BCAS3: variants seen among roughly 807,000 people sequenced by gnomAD.
The protein encoded by BCAS3 is BCAS4/BCAS3 fusion.
BCAS3 carries 53 observed loss-of-function variants against 116.1 expected under a neutral mutation model. The observed-to-expected ratio is 0.46, with a 90% CI of 0.37 to 0.57. The LOEUF (loss-of-function observed/expected upper bound fraction) is 0.57, where lower values mean the gene tolerates loss of function less well. Ranked by LOEUF, BCAS3 falls within the 20% of genes least tolerant of loss-of-function variation. The pLI, the probability that BCAS3 is intolerant of heterozygous loss-of-function variation, is 0.00. For missense variants in BCAS3, 917 were observed against 1,165.4 expected, an observed-to-expected ratio of 0.79 and a Z score of 3.10; for synonymous variants, 391 against 408.2, an observed-to-expected ratio of 0.96 and a Z score of 0.51.
chr17:61,014,009 A>T (rs754058562), intron 15 of BCAS3, among the ~76,000 whole-genome samples: 6 of 152,130 alleles, frequency 3.9e-5, no homozygotes, highest in Admixed American at 6.6e-5. Context: ...TAGAAATAAG[A>T]TATTAATTAG....
intron 6 of BCAS3, among the ~76,000 whole-genome samples, chr17:60,755,878 A>G (rs867656178): frequency 9.2e-5 from 14 of 152,316 alleles, no homozygotes; most frequent in Middle Eastern, 3.4e-3. Context: ...AGAATGTGTA[A>G]TGATCAGGTT....
Position 61,217,767 on chromosome 17 carries a change from A to T in BCAS3, c.2425+133203A>T, listed in dbSNP as rs117505615. The stretch of plus-strand genomic sequence containing the variant: ...TAACATCCCACACTGCTTTGCTTCT[A>T]CTCCTCTAAGCCTTTTTTCCCCTCC... On this transcript the variant is annotated intron_variant, in intron 22 of 23. Transcript: ENST00000407086. This position sits in a 1 kb window ranked among gnomAD's most constrained non-coding sequence, Gnocchi z 5.2. Among the ~76,000 whole-genome samples, 20 of 152,052 alleles carry T rather than the reference A, an allele frequency of 1.3e-4. No individual in the cohort carries two copies. The East Asian group carries it at 3.9e-3, about 29-fold the overall frequency.
rs998306569 is a variant in BCAS3 at position 61,344,124 on chromosome 17, C to A, written c.2426-24203C>A. Among the ~76,000 whole-genome samples, 1 of 152,040 alleles carries A rather than the reference C, an allele frequency of 6.6e-6. No homozygotes were observed. The highest frequency in any genetic ancestry group is 6.6e-5 in the Admixed American group (1 of 15,252). On this transcript the variant is annotated intron_variant, in intron 22 of 23. Coordinates refer to ENST00000407086, the MANE Select transcript of BCAS3 (RefSeq NM_017679.5). This position sits in a 1 kb window ranked among gnomAD's most constrained non-coding sequence, Gnocchi z 4.1. ...TAAGGATGCCGGCTAGCCCCCAATC[C>A]CAGAGAGCATGCAGCTGAGTCTAAG...
rs917332821 is a variant in BCAS3, at chr17:61,145,429, G to A, written c.2425+60865G>A. On this transcript the variant is annotated intron_variant, in intron 22 of 23. Coordinates refer to ENST00000407086, the MANE Select transcript of BCAS3 (RefSeq NM_017679.5). The surrounding 1 kb of genome is among the most constrained non-coding windows in gnomAD (Gnocchi z 5.0). The stretch of plus-strand genomic sequence containing the variant: ...TCCTGTTCTCTGCTGCAGGGGCTAC[G>A]GAGAGGGAGTGGGGGCTGGGGGAGG... Among the ~76,000 whole-genome samples the A allele has an allele frequency of 1.3e-5, 2 of 152,280 alleles. No homozygotes were observed. The highest frequency in any genetic ancestry group is 2.4e-5 in the African/African-American group (1 of 41,558).
rs1485012892 is a variant in BCAS3 at position 61,028,167 on chromosome 17, T to C, written c.1638-6499T>C. Among the ~76,000 whole-genome samples, 1 of 151,856 alleles carries C rather than the reference T, an allele frequency of 6.6e-6. No homozygotes were observed. Among genetic ancestry groups the C allele is most frequent in the Non-Finnish European group, 1.5e-5 (1 of 67,796 alleles). ...TTAAATAGTTCTTTAAGGTTAATTA[T>C]TATTTGACACAAACTTATTTCAATG... On this transcript the variant is annotated intron_variant, in intron 16 of 23. Coordinates refer to ENST00000407086, the MANE Select transcript of BCAS3 (RefSeq NM_017679.5). The surrounding 1 kb of genome is among the most constrained non-coding windows in gnomAD (Gnocchi z 4.3).
intron 22 of BCAS3, among the ~76,000 whole-genome samples, chr17:61,119,802 T>G (rs757660801): frequency 5.3e-4 from 80 of 152,192 alleles, no homozygotes; most frequent in Non-Finnish European, 7.9e-4. Context: ...GATCAGACAC[T>G]TGGTAAATAT....
intron 6 of BCAS3, among the ~76,000 whole-genome samples, chr17:60,771,329 G>T (rs947563082): frequency 6.6e-6 from 1 of 151,916 alleles, no homozygotes; most frequent in African/African-American, 2.4e-5. Context: ...GAAATGCAAT[G>T]GAAATTGCCG....
rs138085611 is a variant in BCAS3 at position 61,266,273 on chromosome 17, A to G, written c.2426-102054A>G. 4.6e-5 allele frequency among the ~76,000 whole-genome samples: 7 copies of G among 152,284 alleles called. No homozygotes were observed. The East Asian group carries it at 1.3e-3, about 29-fold the overall frequency. On this transcript the variant is annotated intron_variant, in intron 22 of 23. Transcript: ENST00000407086. ...GTAAAACATGCAATGCTAAGAAGAG[A>G]CTGTGCAATAGGTAAAGGAGACAAA...
chr17:61,321,029 A>G (rs990492788), intron 22 of BCAS3, among the ~76,000 whole-genome samples: 1 of 152,196 alleles, frequency 6.6e-6, no homozygotes, highest in African/African-American at 2.4e-5. Flanking sequence ...AGACTCAGAG[A>G]ATTTAAGATT....
At chr17:61,173,277 A>G (rs539703301) in intron 22 of BCAS3, among the ~76,000 whole-genome samples, 60 of 152,042 alleles carry the variant, frequency 3.9e-4, no homozygotes, top group African/African-American at 1.3e-3. Context: ...CTGAAATCCC[A>G]TCTCTACTAA....
At chr17:60,867,195 T>A (rs2054679171) in intron 7 of BCAS3, among the ~76,000 whole-genome samples, 1 of 151,732 alleles carries the variant, frequency 6.6e-6, no homozygotes, top group Non-Finnish European at 1.5e-5. Flanking sequence ...CAACTCCGCC[T>A]CCCAGGTTCA....
rs866921877 is a variant in BCAS3 at position 61,322,743 on chromosome 17, G to A, written c.2426-45584G>A. On this transcript the variant is annotated intron_variant, in intron 22 of 23. Coordinates refer to ENST00000407086, the MANE Select transcript of BCAS3 (RefSeq NM_017679.5). Reference sequence around the variant, plus strand: ...AAAATTTGGCAGAAGTAAGCCAAAAGTATAGTCTCATTGGTGTTGATATTT... The same window carrying A: ...AAAATTTGGCAGAAGTAAGCCAAAAATATAGTCTCATTGGTGTTGATATTT... 3.3e-5 allele frequency among the ~76,000 whole-genome samples: 5 copies of A among 149,796 alleles called. No homozygotes were observed. In the South Asian group the frequency reaches 1.1e-3, roughly 32 times the overall value.
intron 13 of BCAS3, among the ~76,000 whole-genome samples, chr17:60,926,566 T>G (rs2059374980): frequency 6.6e-6 from 1 of 152,206 alleles, no homozygotes; most frequent in Non-Finnish European, 1.5e-5. Flanking sequence ...CAAGATTTAT[T>G]GAAATTCTGT....
At chr17:60,716,324 G>A (rs929684558) in intron 5 of BCAS3, among the ~76,000 whole-genome samples, 9 of 152,136 alleles carry the variant, frequency 5.9e-5, no homozygotes, top group Admixed American at 2.6e-4. Context: ...ATGAAAAAAA[G>A]CATGACATGT....
In BCAS3 at chr17:61,284,953, T is replaced by C. The variant is rs148816507; in HGVS notation, c.2426-83374T>C. ...GCCTGTTGTTGAATGAATGTATAAG[T>C]GAAGTTTTCAAGCAAGTGTCATCAA... On this transcript the variant is annotated intron_variant, in intron 22 of 23. Coordinates refer to ENST00000407086, the MANE Select transcript of BCAS3 (RefSeq NM_017679.5). Among the ~76,000 whole-genome samples the C allele has an allele frequency of 4.6e-5, 7 of 152,274 alleles. No homozygotes were observed. The East Asian group carries it at 1.4e-3, about 29-fold the overall frequency.
intron 5 of BCAS3, among the ~76,000 whole-genome samples, chr17:60,710,740 T>G (rs1475714403): frequency 6.9e-6 from 1 of 145,706 alleles, no homozygotes; most frequent in Non-Finnish European, 1.5e-5. Context: ...CAACATTTTT[T>G]AAGTTAAAAA....
Position 61,388,333 on chromosome 17 carries a change from C to T in BCAS3, c.2594-3644C>T. On this transcript the variant is annotated intron_variant, in intron 23 of 23. Coordinates refer to ENST00000407086, the MANE Select transcript of BCAS3 (RefSeq NM_017679.5). This position sits in a 1 kb window ranked among gnomAD's most constrained non-coding sequence, Gnocchi z 6.5. Reference sequence around the variant, plus strand: ...TCCCCAGCCCTCCCACTTCCTAAAACTGTTCTTCATGTTGAACCTGTGACT... The same window carrying T: ...TCCCCAGCCCTCCCACTTCCTAAAATTGTTCTTCATGTTGAACCTGTGACT... The T allele has an allele frequency of 2.5e-6, 1 of 396,192 alleles. No individual in the cohort carries two copies. Among genetic ancestry groups the T allele is most frequent in the Non-Finnish European group, 4.7e-6 (1 of 214,814 alleles). 24.5% of individuals were successfully genotyped at this position (396,192 alleles called of 1,614,324 possible). A position where few individuals can be genotyped will look rare whatever the true frequency, so the allele number is the denominator to read the frequency against.
At chr17:61,195,819 T>A (rs893505387) in intron 22 of BCAS3, among the ~76,000 whole-genome samples, 4 of 152,192 alleles carry the variant, frequency 2.6e-5, no homozygotes, top group African/African-American at 7.2e-5. Context: ...TGACTACAGT[T>A]ATGCACAGAT....
chr17:60,834,384 T>G (rs1258551873), intron 7 of BCAS3, among the ~76,000 whole-genome samples: 1 of 152,092 alleles, frequency 6.6e-6, no homozygotes, highest in East Asian at 1.9e-4. Context: ...TATAACAGGT[T>G]GTTCCTTGAT....
Sources: gnomAD v4.1 joint callset for allele counts (sites outside exome capture counted in the v4.1 genomes callset) on GRCh38, gnomAD v4.1.1 for gene constraint, Gnocchi (gnomAD v3.1) non-coding constraint, MANE v1.5 for transcripts, NCBI Gene and HGNC (gene_info 2026-07-23, HGNC 2026-07-21) for gene names.